FAM117A: variants seen among roughly 807,000 people sequenced by gnomAD.
The protein encoded by FAM117A is family with sequence similarity 117 member A.
Under a neutral mutation model 44.1 loss-of-function variants are expected in FAM117A, and 21 were observed. That is an observed-to-expected ratio of 0.48 (90% CI 0.34 to 0.69). The LOEUF (loss-of-function observed/expected upper bound fraction) is 0.69, where lower values mean the gene tolerates loss of function less well. FAM117A is among the 30% of genes least tolerant of loss of function. The pLI is 0.01. For synonymous variants in FAM117A, 220 were observed against 238.3 expected, an observed-to-expected ratio of 0.92 and a Z score of 0.71; for missense variants, 498 against 589.9, an observed-to-expected ratio of 0.84 and a Z score of 1.61.
intron 1 of FAM117A, among the ~76,000 whole-genome samples, chr17:49,778,123 T>C (rs537870038): frequency 1.3e-5 from 2 of 152,358 alleles, no homozygotes; most frequent in African/African-American, 4.8e-5. Flanking sequence ...AGCTATTGTC[T>C]ATACATGTAA....
At chr17:49,749,529 A>G (rs552537151) in intron 1 of FAM117A, among the ~76,000 whole-genome samples, 3 of 128,958 alleles carry the variant, frequency 2.3e-5, no homozygotes, top group African/African-American at 5.3e-5. Flanking sequence ...GTGAGCCGAG[A>G]TCGCGCCACT....
At chr17:49,745,494 A>G (rs1247163660) in intron 1 of FAM117A, among the ~76,000 whole-genome samples, 1 of 152,158 alleles carries the variant, frequency 6.6e-6, no homozygotes, top group East Asian at 1.9e-4. Flanking sequence ...CTACCATACC[A>G]CCTCAAGTGA....
At position 49,732,520 on chromosome 17, in the gene FAM117A, C is replaced by A. The variant is rs1359835809; in HGVS notation, c.366+31G>T. Reference sequence around the variant, plus strand: ...GCCAGCTCTCCCGCCCCATCCTTATCCCTTATCCCATCAGGAGAGAGCTTC... The same window carrying A: ...GCCAGCTCTCCCGCCCCATCCTTATACCTTATCCCATCAGGAGAGAGCTTC... On this transcript the variant is annotated intron_variant, in intron 2 of 7. Transcript: ENST00000240364. 1.9e-6 allele frequency: 3 copies of A among 1,611,406 alleles called. No homozygotes were observed. The East Asian group carries it at 6.7e-5, about 36-fold the overall frequency.
At chr17:49,744,713 A>C (rs557896585) in intron 1 of FAM117A, among the ~76,000 whole-genome samples, 2 of 151,998 alleles carry the variant, frequency 1.3e-5, no homozygotes, top group African/African-American at 4.8e-5. Context: ...ATTATTTAAG[A>C]AATAATGACA....
At chr17:49,784,834 G>A (rs548251537) in intron 1 of FAM117A, among the ~76,000 whole-genome samples, 1 of 152,226 alleles carries the variant, frequency 6.6e-6, no homozygotes, top group Admixed American at 6.5e-5. Context: ...TGGATTCTAA[G>A]CTCCTTTAGG....
chr17:49,731,942 C>A (rs1486023866), intron 2 of FAM117A, among the ~76,000 whole-genome samples: 1 of 152,110 alleles, frequency 6.6e-6, no homozygotes, highest in South Asian at 2.1e-4. Flanking sequence ...CCCACCACCA[C>A]GCCCAGCTAA....
chr17:49,744,164 T>C (rs1479379756), intron 1 of FAM117A, among the ~76,000 whole-genome samples: 1 of 152,204 alleles, frequency 6.6e-6, no homozygotes, highest in Non-Finnish European at 1.5e-5. Context: ...CCATGGGGGA[T>C]TGGTTTCAGG....
At chr17:49,743,584 C>T (rs1325053519) in intron 1 of FAM117A, among the ~76,000 whole-genome samples, 2 of 152,092 alleles carry the variant, frequency 1.3e-5, no homozygotes, top group Non-Finnish European at 2.9e-5. Flanking sequence ...AAAACATTAG[C>T]TGGGCATGGT....
At chr17:49,788,719 G>T, upstream of FAM117A, 1 of 1,162,988 alleles carries the variant, frequency 8.6e-7, no homozygotes, top group Non-Finnish European at 1.2e-6. Flanking sequence ...GAGGCACTAG[G>T]GATCGTCCGC....
At chr17:49,768,782 G>A (rs775220133), upstream of FAM117A, among the ~76,000 whole-genome samples, 2 of 152,154 alleles carry the variant, frequency 1.3e-5, no homozygotes, top group African/African-American at 2.4e-5. Flanking sequence ...CTCTCCCTGC[G>A]TCCCTTCCCT....
chr17:49,773,988 A>G (rs1048388432), intron 1 of FAM117A, among the ~76,000 whole-genome samples: 2 of 152,186 alleles, frequency 1.3e-5, no homozygotes, highest in Admixed American at 6.5e-5. Flanking sequence ...TCCCGACCTC[A>G]GGCAATCTGC....
At chr17:49,757,638 G>C (rs1262873330) in intron 1 of FAM117A, among the ~76,000 whole-genome samples, 1 of 152,144 alleles carries the variant, frequency 6.6e-6, no homozygotes, top group African/African-American at 2.4e-5. Context: ...AGCTCCACAC[G>C]ACTGGAGAAA....
chr17:49,783,614 C>T (rs1458296985), intron 1 of FAM117A, among the ~76,000 whole-genome samples: 8 of 152,080 alleles, frequency 5.3e-5, no homozygotes, highest in Non-Finnish European at 1.2e-4. Flanking sequence ...AGCTCCAGGC[C>T]ATCTCCAGCA....
chr17:49,724,416 A>G, intron 2 of FAM117A: 1 of 456,174 alleles, frequency 2.2e-6, no homozygotes, highest in Non-Finnish European at 4.4e-6. Flanking sequence ...ACAGAGAGGA[A>G]AAAACAGCCA....
chr17:49,782,138 G>A (rs1259257105), intron 1 of FAM117A, among the ~76,000 whole-genome samples: 3 of 152,068 alleles, frequency 2.0e-5, no homozygotes, highest in Non-Finnish European at 4.4e-5. Flanking sequence ...CACTTTGGGA[G>A]GCCGAGGTGG....
intron 2 of FAM117A, 190 bp downstream of exon 2, chr17:49,732,361 C>T (rs896213136): frequency 5.9e-6 from 3 of 509,392 alleles, no homozygotes; most frequent in African/African-American, 1.9e-5. Flanking sequence ...GCCAAGATCG[C>T]ACCACTGCAC....
At chr17:49,753,628 C>G (rs1016952627) in intron 1 of FAM117A, among the ~76,000 whole-genome samples, 3 of 152,126 alleles carry the variant, frequency 2.0e-5, no homozygotes, top group Non-Finnish European at 4.4e-5. Context: ...CCAGCCTGGC[C>G]AACATGGTGA....
upstream of FAM117A, chr17:49,788,756 C>T (rs1273812992): frequency 6.7e-7 from 1 of 1,496,314 alleles, no homozygotes; most frequent in Non-Finnish European, 9.0e-7. Flanking sequence ...CAGAGGCCGC[C>T]ACGGAGCCCG....
chr17:49,768,651 G>A (rs1247247674), upstream of FAM117A, among the ~76,000 whole-genome samples: 2 of 152,182 alleles, frequency 1.3e-5, no homozygotes, highest in Non-Finnish European at 2.9e-5. Context: ...GGTCAGAACT[G>A]AAGGAGCAAA....
Sources: gnomAD v4.1 joint callset for allele counts (sites outside exome capture counted in the v4.1 genomes callset) on GRCh38, gnomAD v4.1.1 for gene constraint, MANE v1.5 for transcripts, NCBI Gene and HGNC (gene_info 2026-07-23, HGNC 2026-07-21) for gene names.